The following ARHGAP24 variants were observed in gnomAD, a reference collection of about 807,000 sequenced individuals.
The protein encoded by ARHGAP24 is Rho GTPase activating protein 24.
Under a neutral mutation model 76.4 loss-of-function variants are expected in ARHGAP24, and 50 were observed. The ratio of observed to expected loss-of-function variants is 0.65; its 90% CI spans 0.52 to 0.83. The LOEUF is 0.83. Among genes scored for constraint, ARHGAP24 ranks in the 40% least tolerant of loss-of-function variants. The pLI is 0.00. For missense variants in ARHGAP24, 930 were observed against 914.2 expected, an observed-to-expected ratio of 1.02 and a Z score of -0.22; for synonymous variants, 345 against 323.3, an observed-to-expected ratio of 1.07 and a Z score of -0.72.
At chr4:85,593,647 G>A (rs937045614) in intron 2 of ARHGAP24, among the ~76,000 whole-genome samples, 1 of 152,006 alleles carries the variant, frequency 6.6e-6, no homozygotes, top group East Asian at 1.9e-4. Flanking sequence ...AGATATGGGG[G>A]TCCAGTTTCA....
chr4:85,985,235 A>G (rs1295611954), intron 8 of ARHGAP24, among the ~76,000 whole-genome samples: 1 of 152,214 alleles, frequency 6.6e-6, no homozygotes, highest in Non-Finnish European at 1.5e-5. Context: ...ATCAACCTAA[A>G]TGCCCATCAA....
At chr4:85,799,673 T>TC (rs1213045164) in intron 3 of ARHGAP24, among the ~76,000 whole-genome samples, 1 of 152,160 alleles carries the variant, frequency 6.6e-6, no homozygotes, top group African/African-American at 2.4e-5. Flanking sequence ...TTGCATAGAC[T>TC]CCAAGTATCT....
chr4:85,853,421 C>T (rs944780144), intron 3 of ARHGAP24, among the ~76,000 whole-genome samples: 8 of 152,158 alleles, frequency 5.3e-5, no homozygotes, highest in Admixed American at 2.6e-4. Flanking sequence ...CTTCTGACCC[C>T]TTGTGCTTCC....
At chr4:85,646,117 C>G (rs1167977659) in intron 2 of ARHGAP24, among the ~76,000 whole-genome samples, 1 of 151,964 alleles carries the variant, frequency 6.6e-6, no homozygotes, top group African/African-American at 2.4e-5. Flanking sequence ...TGTGAGATGC[C>G]ATGCACATAT....
chr4:85,590,192 G>GCCTTCCTTCCTT (rs563217345), intron 2 of ARHGAP24, among the ~76,000 whole-genome samples: 3 of 111,312 alleles, frequency 2.7e-5, no homozygotes, highest in African/African-American at 1.0e-4. Flanking sequence ...CTGCCTGCCT[G>GCCTTCCTTCCTT]CCTTCCTTCC....
Position 86,000,449 on chromosome 4 carries a change from ACCCCCCACCCCC to A in ARHGAP24, c.2004-26_2004-15del. 7.8e-6 allele frequency: 3 copies of A among 383,176 alleles called. No homozygotes were observed. The highest frequency in any genetic ancestry group is 1.4e-5 in the Non-Finnish European group (3 of 213,650). 23.7% of individuals were successfully genotyped at this position (383,176 alleles called of 1,614,324 possible). Reference sequence around the variant, plus strand: ...CTTTATCTCTTACTCTTGCGTCCCCACCCCCCACCCCCCCCAACATCCTTTGTAGCTTAGAAC... The same window carrying A: ...CTTTATCTCTTACTCTTGCGTCCCCACCCAACATCCTTTGTAGCTTAGAAC... On this transcript the variant is annotated intron_variant, in intron 9 of 9. Transcript: ENST00000395184.
chr4:85,958,015 G>A (rs546107302), intron 5 of ARHGAP24, among the ~76,000 whole-genome samples: 1 of 152,126 alleles, frequency 6.6e-6, no homozygotes, highest in East Asian at 1.9e-4. Context: ...AAATAAAAGT[G>A]CCCAATTAAC....
At chr4:85,905,291 G>C (rs538970227) in intron 3 of ARHGAP24, among the ~76,000 whole-genome samples, 1 of 152,074 alleles carries the variant, frequency 6.6e-6, no homozygotes, top group East Asian at 1.9e-4. Context: ...TAAGTCATAC[G>C]GGCTAGCCAG....
intron 3 of ARHGAP24, among the ~76,000 whole-genome samples, chr4:85,822,080 C>T (rs1331121970): frequency 6.6e-6 from 1 of 152,142 alleles, no homozygotes; most frequent in Admixed American, 6.5e-5. Flanking sequence ...AAATCCCTTT[C>T]CTTTGAAATG....
At chr4:85,709,255 C>T (rs1437548404) in intron 2 of ARHGAP24, among the ~76,000 whole-genome samples, 1 of 151,954 alleles carries the variant, frequency 6.6e-6, no homozygotes, top group Non-Finnish European at 1.5e-5. Flanking sequence ...GCTGAGTGCC[C>T]AGGAGAGAAA....
Position 85,643,230 on chromosome 4 carries a change from T to TTG in ARHGAP24, c.180+72513_180+72514dup, listed in dbSNP as rs1560566224. 1.5e-4 allele frequency among the ~76,000 whole-genome samples: 15 copies of TTG among 103,442 alleles called. 3 individuals are homozygous for TTG. The South Asian group carries it at 2.4e-3, about 16-fold the overall frequency. 67.9% of individuals were successfully genotyped at this position (103,442 alleles called of 152,430 possible). A position where few individuals can be genotyped will look rare whatever the true frequency, so the allele number is the denominator to read the frequency against. On this transcript the variant is annotated intron_variant, in intron 2 of 9. Transcript: ENST00000395184. The stretch of plus-strand genomic sequence containing the variant: ...CTTTTCTTTTTTATTTTCCGTTTTT[T>TTG]TGTGTTTTTTTTTTTTTTTTTTTTT...
intron 1 of ARHGAP24, among the ~76,000 whole-genome samples, chr4:85,561,148 T>A (rs1726580557): frequency 6.6e-6 from 1 of 152,190 alleles, no homozygotes; most frequent in Non-Finnish European, 1.5e-5. Flanking sequence ...AAGGGTCATG[T>A]CCAGGATGGT....
intron 3 of ARHGAP24, among the ~76,000 whole-genome samples, chr4:85,922,453 C>A (rs959866902): frequency 2.6e-5 from 4 of 152,170 alleles, no homozygotes; most frequent in African/African-American, 9.7e-5. Context: ...AACAAACAAA[C>A]AACATCTTAA....
chr4:85,711,665 G>A (rs1244054584), intron 2 of ARHGAP24, among the ~76,000 whole-genome samples: 7 of 152,168 alleles, frequency 4.6e-5, no homozygotes, highest in Admixed American at 3.3e-4. Context: ...AATTATTAAC[G>A]TAGCTATAAA....
chr4:85,502,013 G>C (rs1723838795), intron 1 of ARHGAP24, among the ~76,000 whole-genome samples: 1 of 152,082 alleles, frequency 6.6e-6, no homozygotes. Context: ...TGTCAGGTTT[G>C]TCAAAGATCA....
chr4:85,640,489 C>A (rs1218785892), intron 2 of ARHGAP24, among the ~76,000 whole-genome samples: 2 of 152,138 alleles, frequency 1.3e-5, no homozygotes, highest in African/African-American at 4.8e-5. Context: ...CTTGCCATAG[C>A]TAAATAATAC....
Position 85,853,424 on chromosome 4 carries a change from G to T in ARHGAP24, c.269-70224G>T, listed in dbSNP as rs544189818. ...AGAAAGGGAAATCTTCTGACCCCTT[G>T]TGCTTCCCAGGTGAGGTGATGCCCC... On this transcript the variant is annotated intron_variant, in intron 3 of 9. Transcript: ENST00000395184. 1.0e-3 allele frequency among the ~76,000 whole-genome samples: 158 copies of T among 152,264 alleles called. 1 individual carries two copies. The Middle Eastern group carries it at 0.017, about 16-fold the overall frequency.
intron 2 of ARHGAP24, among the ~76,000 whole-genome samples, chr4:85,589,421 AAC>A (rs1727994870): frequency 6.6e-6 from 1 of 152,354 alleles, no homozygotes; most frequent in African/African-American, 2.4e-5. Context: ...ACAAACAAAA[AAC>A]ACAACTTGCC....
chr4:85,956,900 C>G (rs1737946698), intron 5 of ARHGAP24, among the ~76,000 whole-genome samples: 1 of 152,198 alleles, frequency 6.6e-6, no homozygotes, highest in East Asian at 1.9e-4. Context: ...AACAGAGCTC[C>G]CATACAAAGG....
Sources: allele counts gnomAD v4.1 joint callset (sites outside exome capture counted in the v4.1 genomes callset), GRCh38; gene constraint gnomAD v4.1.1; transcripts MANE v1.5; gene names NCBI Gene and HGNC (gene_info 2026-07-23, HGNC 2026-07-21).